The following CSMD1 variants were observed in gnomAD, a reference collection of about 807,000 sequenced individuals.
CSMD1 encodes CUB and sushi domain-containing protein 1.
CSMD1 carries 213 observed loss-of-function variants against 417.5 expected under a neutral mutation model. The ratio of observed to expected loss-of-function variants is 0.51; its 90% CI spans 0.46 to 0.57. The LOEUF (loss-of-function observed/expected upper bound fraction) is 0.57. CSMD1 is among the 20% of genes least tolerant of loss of function. CSMD1 has a pLI of 0.00. For missense variants in CSMD1, 6,923 were observed against 4,529.7 expected, an observed-to-expected ratio of 1.53 and a Z score of -15.17; for synonymous variants, 2,862 against 1,736.8, an observed-to-expected ratio of 1.65 and a Z score of -16.11.
At chr8:4,474,462 C>T (rs1168390682) in intron 2 of CSMD1, among the ~76,000 whole-genome samples, 2 of 152,052 alleles carry the variant, frequency 1.3e-5, no homozygotes, top group African/African-American at 4.8e-5. Flanking sequence ...TGGAGAGAGA[C>T]TGAAAATGGA....
intron 54 of CSMD1, among the ~76,000 whole-genome samples, chr8:2,979,638 G>A (rs987075795): frequency 6.6e-6 from 1 of 152,190 alleles, no homozygotes; most frequent in Admixed American, 6.5e-5. Flanking sequence ...CACATCATGA[G>A]TCCCAGAAGC....
At chr8:4,947,274 T>C (rs1027578564) in intron 1 of CSMD1, among the ~76,000 whole-genome samples, 26 of 152,188 alleles carry the variant, frequency 1.7e-4, no homozygotes, top group African/African-American at 6.3e-4. Context: ...AATGATATAA[T>C]AAACTCAGGA....
chr8:3,690,926 ATAAAT>A (rs1198728199), intron 7 of CSMD1, among the ~76,000 whole-genome samples: 3 of 152,362 alleles, frequency 2.0e-5, no homozygotes, highest in East Asian at 1.9e-4. Flanking sequence ...GAATAATTAA[ATAAAT>A]TAAAGTAAAA....
rs549033081 is a variant in CSMD1 at position 3,670,792 on chromosome 8, G to T, written c.1009+37622C>A. On this transcript the variant is annotated intron_variant, in intron 7 of 69. Transcript: ENST00000635120. ...ATATATAAGTATACGGGATATACAT[G>T]TATATGGGATATATATGTATATGGG... 2.7e-5 allele frequency among the ~76,000 whole-genome samples: 4 copies of T among 150,472 alleles called. No individual in the cohort carries two copies. In the East Asian group the frequency reaches 7.9e-4, roughly 30 times the overall value.
chr8:4,011,021 T>C (rs1386377236), intron 4 of CSMD1, among the ~76,000 whole-genome samples: 1 of 152,220 alleles, frequency 6.6e-6, no homozygotes, highest in Non-Finnish European at 1.5e-5. Flanking sequence ...TCATGCCTTC[T>C]TCCTTCTAAA....
At chr8:4,297,209 G>A (rs1328868643) in intron 3 of CSMD1, among the ~76,000 whole-genome samples, 2 of 151,862 alleles carry the variant, frequency 1.3e-5, no homozygotes, top group African/African-American at 2.4e-5. Flanking sequence ...TTAAATCCCT[G>A]GAGAAACTGG....
intron 5 of CSMD1, among the ~76,000 whole-genome samples, chr8:3,820,355 G>A (rs923883997): frequency 2.0e-5 from 3 of 152,120 alleles, no homozygotes; most frequent in African/African-American, 7.2e-5. Flanking sequence ...TTTGAACTGG[G>A]ATATATGGTG....
intron 2 of CSMD1, among the ~76,000 whole-genome samples, chr8:4,470,925 ATAAG>A (rs534610016): frequency 1.4e-3 from 218 of 152,312 alleles, no homozygotes; most frequent in Non-Finnish European, 2.6e-3. Flanking sequence ...GAATGTGTAA[ATAAG>A]TATTTTTGGG....
At chr8:4,548,386 G>A (rs970192981) in intron 2 of CSMD1, among the ~76,000 whole-genome samples, 3 of 152,006 alleles carry the variant, frequency 2.0e-5, no homozygotes, top group African/African-American at 7.2e-5. Context: ...TATTCATGTT[G>A]TATATTTAGA....
intron 7 of CSMD1, among the ~76,000 whole-genome samples, chr8:3,649,580 A>G (rs1797741251): frequency 6.6e-6 from 1 of 152,100 alleles, no homozygotes; most frequent in South Asian, 2.1e-4. Flanking sequence ...AAGTGGGGAG[A>G]GCCTCTTATA....
chr8:3,868,401 G>C (rs1228574797), intron 5 of CSMD1, among the ~76,000 whole-genome samples: 1 of 152,068 alleles, frequency 6.6e-6, no homozygotes, highest in African/African-American at 2.4e-5. Flanking sequence ...CTGCTGTGCA[G>C]ATGGTCCACA....
At chr8:4,077,574 T>C (rs531104304) in intron 3 of CSMD1, among the ~76,000 whole-genome samples, 4 of 152,052 alleles carry the variant, frequency 2.6e-5, no homozygotes, top group Non-Finnish European at 4.4e-5. Flanking sequence ...ACCACTGCTA[T>C]GCCTATCAAA....
intron 3 of CSMD1, among the ~76,000 whole-genome samples, chr8:4,094,802 C>T (rs530133598): frequency 1.3e-5 from 2 of 152,186 alleles, no homozygotes; most frequent in African/African-American, 4.8e-5. Context: ...GATAAACAGG[C>T]CTGCCAGGGA....
chr8:4,867,180 A>T (rs1350302), intron 1 of CSMD1, among the ~76,000 whole-genome samples: 137,619 of 152,046 alleles, frequency 0.91, 63,440 homozygotes, highest in Non-Finnish European at 0.98. Context: ...ACAGCAAAAA[A>T]CTAAAAAATG....
chr8:4,157,103 G>T (rs2131078313), intron 3 of CSMD1, among the ~76,000 whole-genome samples: 1 of 152,288 alleles, frequency 6.6e-6, no homozygotes, highest in East Asian at 1.9e-4. Context: ...AAATCTCACT[G>T]CCTATCTTGT....
intron 2 of CSMD1, among the ~76,000 whole-genome samples, chr8:4,591,331 G>A (rs372801064): frequency 6.6e-6 from 1 of 152,188 alleles, no homozygotes; most frequent in Non-Finnish European, 1.5e-5. Context: ...TTCTGGTCTA[G>A]GTCAGACAAA....
At chr8:3,733,535 G>A (rs1049482431) in intron 6 of CSMD1, among the ~76,000 whole-genome samples, 3 of 151,890 alleles carry the variant, frequency 2.0e-5, no homozygotes, top group Non-Finnish European at 4.4e-5. Flanking sequence ...AAAAATTTCA[G>A]AAAAAAACAA....
At chr8:4,021,709 T>C (rs1213979479) in intron 4 of CSMD1, among the ~76,000 whole-genome samples, 12 of 152,234 alleles carry the variant, frequency 7.9e-5, no homozygotes, top group Non-Finnish European at 1.8e-4. Context: ...TTTTTTTCTC[T>C]ATGTATTGTT....
chr8:3,398,771 C>G lies in CSMD1; in HGVS notation c.2405+620G>C, dbSNP rs566049640. On this transcript the variant is annotated intron_variant, in intron 16 of 69. Coordinates refer to ENST00000635120, the MANE Select transcript of CSMD1 (RefSeq NM_033225.6). ...CTCAGTGTTGAGAGAAATGGGAAAA[C>G]CCTTCTTATATAGAACTCCAATAGC... Among the ~76,000 whole-genome samples the G allele has an allele frequency of 3.9e-4, 60 of 152,218 alleles. 1 individual carries two copies. In the South Asian group the frequency reaches 7.5e-3, roughly 19 times the overall value.
Sources: allele counts gnomAD v4.1 joint callset (sites outside exome capture counted in the v4.1 genomes callset), GRCh38; gene constraint gnomAD v4.1.1; transcripts MANE v1.5; gene names NCBI Gene and HGNC (gene_info 2026-07-23, HGNC 2026-07-21).